The following HMCN1 variants were observed in gnomAD, a reference collection of about 807,000 sequenced individuals.
HMCN1 encodes hemicentin 1, also known as hemicentin-1.
HMCN1 carries 321 observed loss-of-function variants against 625.9 expected under a neutral mutation model. The observed-to-expected ratio is 0.51, with a 90% confidence interval of 0.47 to 0.56. The LOEUF is 0.56. Ranked by LOEUF, HMCN1 falls within the 20% of genes least tolerant of loss-of-function variation. The pLI, the probability that HMCN1 is intolerant of heterozygous loss-of-function variation, is 0.00. For missense variants in HMCN1, 6,588 were observed against 6,887.3 expected, an observed-to-expected ratio of 0.96 and a Z score of 1.54; for synonymous variants, 2,425 against 2,417.6, an observed-to-expected ratio of 1.00 and a Z score of -0.09.
intron 1 of HMCN1, among the ~76,000 whole-genome samples, chr1:185,795,432 T>C (rs982454364): frequency 6.6e-6 from 1 of 152,238 alleles, no homozygotes; most frequent in Non-Finnish European, 1.5e-5. Flanking sequence ...TTACAAATCA[T>C]CAATTTCTGA....
At chr1:185,829,002 C>T in intron 1 of HMCN1, among the ~76,000 whole-genome samples, 1 of 151,902 alleles carries the variant, frequency 6.6e-6, no homozygotes, top group East Asian at 1.9e-4. Flanking sequence ...AGAAGTACTT[C>T]TTCTTTGGGA....
intron 4 of HMCN1, among the ~76,000 whole-genome samples, chr1:185,905,388 T>C (rs1248858855): frequency 6.6e-6 from 1 of 151,614 alleles, no homozygotes; most frequent in Non-Finnish European, 1.5e-5. Context: ...GAACTTACAA[T>C]TTAGAAGGAA....
intron 71 of HMCN1, among the ~76,000 whole-genome samples, chr1:186,112,331 A>G (rs1050336915): frequency 3.9e-5 from 6 of 152,254 alleles, no homozygotes; most frequent in East Asian, 1.9e-4. Context: ...ATTGGCTACA[A>G]TAATTGATGA....
intron 4 of HMCN1, among the ~76,000 whole-genome samples, chr1:185,892,091 A>G (rs1019790083): frequency 1.3e-5 from 2 of 149,966 alleles, no homozygotes; most frequent in African/African-American, 5.1e-5. Context: ...CCTTTCTTCC[A>G]GTTGATTGCA....
chr1:186,095,408 A>G lies in HMCN1; in HGVS notation c.10460A>G (p.His3487Arg). 2 of 1,613,754 alleles carry G rather than the reference A, an allele frequency of 1.2e-6. No homozygotes were observed. The highest frequency in any genetic ancestry group is 1.7e-6 in the Non-Finnish European group (2 of 1,179,844). Reference protein sequence around the residue: ...GLDAHLTVSTHGMVLQLLKAE... With the variant: ...GLDAHLTVSTRGMVLQLLKAE... ...GATGCCCATCTGACAGTCAGCACCCATGGAATGGTCCTGCAGCTCCTCAAA... is the reference window on the plus strand; with the variant it reads ...GATGCCCATCTGACAGTCAGCACCCGTGGAATGGTCCTGCAGCTCCTCAAA... Residue 3487 changes from histidine to arginine, a missense_variant, in exon 68 of 107, where the codon CAT (histidine) becomes CGT (arginine). His to Arg is a conservative substitution (Grantham distance 29, BLOSUM62 0). Coordinates refer to ENST00000271588, the MANE Select transcript of HMCN1 (RefSeq NM_031935.3).
At chr1:185,975,982 C>G (rs1651183290) in intron 15 of HMCN1, among the ~76,000 whole-genome samples, 1 of 151,990 alleles carries the variant, frequency 6.6e-6, no homozygotes, top group Admixed American at 6.6e-5. Flanking sequence ...ATCCAGTGGC[C>G]ATGAATAATG....
intron 4 of HMCN1, among the ~76,000 whole-genome samples, chr1:185,907,485 T>C (rs1277312686): frequency 6.6e-6 from 1 of 151,964 alleles, no homozygotes; most frequent in Non-Finnish European, 1.5e-5. Flanking sequence ...CAGCCTCATC[T>C]TCTTCTTTTT....
In HMCN1 at chr1:185,952,772, C is replaced by T. The variant is rs566945599; in HGVS notation, c.1829-9746C>T. On this transcript the variant is annotated intron_variant, in intron 11 of 106. Transcript: ENST00000271588. Reference sequence around the variant, plus strand: ...AAGAAGGAGGAATGGAAGGTGGAAGCTTGCCCATAGTGAAGGAGGCAAGCC... The same window carrying T: ...AAGAAGGAGGAATGGAAGGTGGAAGTTTGCCCATAGTGAAGGAGGCAAGCC... Among the ~76,000 whole-genome samples, 29 of 151,684 alleles carry T rather than the reference C, an allele frequency of 1.9e-4. 1 individual carries two copies. The highest frequency in any genetic ancestry group is 6.6e-4 in the African/African-American group (27 of 41,138).
intron 4 of HMCN1, among the ~76,000 whole-genome samples, chr1:185,875,158 A>G (rs368136659): frequency 5.9e-5 from 9 of 152,154 alleles, no homozygotes; most frequent in African/African-American, 1.7e-4. Flanking sequence ...ATACCTAAAA[A>G]TGTTGATAAT....
chr1:185,754,457 A>AT (rs977656227), intron 1 of HMCN1, among the ~76,000 whole-genome samples: 58 of 149,870 alleles, frequency 3.9e-4, no homozygotes, highest in South Asian at 1.3e-3. Flanking sequence ...ACATATACGT[A>AT]TTTTTTTTTT....
chr1:185,798,307 A>G (rs1222408594), intron 1 of HMCN1, among the ~76,000 whole-genome samples: 3 of 152,174 alleles, frequency 2.0e-5, no homozygotes, highest in Non-Finnish European at 4.4e-5. Flanking sequence ...ATAGGCAATT[A>G]GATGCTTTTC....
chr1:186,146,027 T>TAAA, intron 93 of HMCN1, 104 bp downstream of exon 93: 2 of 1,122,802 alleles, frequency 1.8e-6, no homozygotes, highest in African/African-American at 1.8e-5. Context: ...GAGGTGGAAT[T>TAAA]AGAAAAAAAA....
chr1:185,745,919 A>C (rs1400896675), intron 1 of HMCN1, among the ~76,000 whole-genome samples: 1 of 152,252 alleles, frequency 6.6e-6, no homozygotes, highest in South Asian at 2.1e-4. Context: ...TAGAGAACAC[A>C]GTCATTTAAA....
At position 186,045,742 on chromosome 1, in the gene HMCN1, C is replaced by T. The variant is rs890150688; in HGVS notation, c.6359C>T (p.Ala2120Val). 3.1e-6 allele frequency: 5 copies of T among 1,613,104 alleles called. No individual in the cohort carries two copies. In the Admixed American group the frequency reaches 6.7e-5, roughly 22 times the overall value. The change falls in exon 41 of 107, where the codon GCT (alanine) becomes GTT (valine). Residue 2120 changes from alanine (A) to valine (V), a missense_variant. Transcript: ENST00000271588. ...AATGTCTCTGTCCTCATTAGCCAAG[C>T]TGTGGAATTACTATGTCAAAGTGAT... is the stretch of plus-strand genomic sequence containing the variant. ...EQNVSVLISQ[A>V]VELLCQSDAI...
chr1:186,008,041 G>A (rs1376118445), intron 30 of HMCN1, among the ~76,000 whole-genome samples: 1 of 152,094 alleles, frequency 6.6e-6, no homozygotes, highest in East Asian at 1.9e-4. Flanking sequence ...ATTAAAAGCA[G>A]TCACCTACTT....
At position 185,761,650 on chromosome 1, in the gene HMCN1, G is replaced by A. The variant is rs1571315835; in HGVS notation, c.268+26603G>A. ...TTTATCTAGACTAGGAAACCATTTT[G>A]TGGTTTAGGAAGTAGATACTATGTA... On this transcript the variant is annotated intron_variant, in intron 1 of 106. Coordinates refer to ENST00000271588, the MANE Select transcript of HMCN1 (RefSeq NM_031935.3). 2.6e-5 allele frequency among the ~76,000 whole-genome samples: 4 copies of A among 152,244 alleles called. No homozygotes were observed. In the East Asian group the frequency reaches 7.7e-4, roughly 29 times the overall value.
At chr1:186,024,777 G>A (rs1388678897) in intron 36 of HMCN1, among the ~76,000 whole-genome samples, 1 of 152,046 alleles carries the variant, frequency 6.6e-6, no homozygotes, top group Non-Finnish European at 1.5e-5. Context: ...TAAAAAGAAG[G>A]ATGTTTTGTT....
intron 101 of HMCN1, 142 bp downstream of exon 101, chr1:186,171,592 C>T: frequency 4.4e-6 from 3 of 681,198 alleles, no homozygotes; most frequent in Middle Eastern, 2.6e-4. Flanking sequence ...CCATGCAAAA[C>T]CAAAATGACA....
chr1:185,884,378 C>T (rs191905632), intron 4 of HMCN1, among the ~76,000 whole-genome samples: 6 of 152,048 alleles, frequency 3.9e-5, no homozygotes, highest in African/African-American at 1.4e-4. Flanking sequence ...TATCTGGACG[C>T]TCTTGTCTTC....
Sources: allele counts gnomAD v4.1 joint callset (sites outside exome capture counted in the v4.1 genomes callset), GRCh38; gene constraint gnomAD v4.1.1; transcripts MANE v1.5; gene names NCBI Gene and HGNC (gene_info 2026-07-23, HGNC 2026-07-21).